Variants in BEX3 observed in about 807,000 individuals in gnomAD.
BEX3 encodes the protein protein BEX3.
A neutral mutation model predicts 6.1 loss-of-function variants in BEX3; 1 was observed. The ratio of observed to expected loss-of-function variants is 0.16; its 90% CI spans 0.06 to 0.78. The LOEUF (loss-of-function observed/expected upper bound fraction) is 0.78. Ranked by LOEUF, BEX3 falls within the 30% of genes least tolerant of loss-of-function variation. BEX3 has a pLI of 0.75. For synonymous variants in BEX3, 33 were observed against 25.2 expected (o/e 1.31, Z -0.93); for missense variants, 49 against 84.7 (o/e 0.58, Z 1.65).
At position 103,377,505 on chromosome X, in the gene BEX3, A is replaced by C. The variant is rs1384796015; in HGVS notation, c.-12-5A>C. On this transcript the variant is annotated splice_polypyrimidine_tract_variant and splice_region_variant and intron_variant, in intron 2 of 2. Transcript: ENST00000361298. ...AAAAATCTCATCATGGCAAATATTC[A>C]CCAGGAAAACGAAGAGATGGAGCAG... 1 of 1,197,886 alleles carries C rather than the reference A, an allele frequency of 8.3e-7. No homozygotes were observed. The highest frequency in any genetic ancestry group is 1.1e-6 in the Non-Finnish European group (1 of 890,177).
At chrX:103,376,647 G>A (rs987506674) in intron 1 of BEX3, 34 bp downstream of exon 1, 1 of 690,655 alleles carries the variant, frequency 1.4e-6, no homozygotes, top group Non-Finnish European at 1.7e-6. Context: ...CCCCGGCCAT[G>A]CCAGCAGCGG....
chrX:103,376,351 C>A, upstream of BEX3: 1 of 460,995 alleles, frequency 2.2e-6, no homozygotes, highest in Non-Finnish European at 2.7e-6. Flanking sequence ...GCTGTGCGCT[C>A]TGGGGCACCT....
rs1927228290 is a variant in BEX3 at position 103,376,573 on chromosome X, G to A, written c.-132G>A. 1.3e-6 allele frequency: 1 copy of A among 753,894 alleles called. No homozygotes were observed. Among genetic ancestry groups the A allele is most frequent in the African/African-American group, 2.3e-5 (1 of 43,668 alleles). The allele number at this position is 753,894 out of a possible 1,213,427, so 62.1% of individuals were successfully genotyped here. ...GGCTACCAGCTCCCCGCTGCCCTGA[G>A]CTCGGCGGGCTGGCATTCGGCCCGG... On this transcript the variant is annotated 5_prime_UTR_variant, in exon 1 of 3. Transcript: ENST00000361298.
At position 103,377,650 on chromosome X, in the gene BEX3, T is replaced by C. The variant is rs369201173; in HGVS notation, c.129T>C (p.Asn43=). ...LAPNFRWAIP[N]RQINDGMGGD... The stretch of plus-strand genomic sequence containing the variant: ...CTAATTTTCGATGGGCCATACCCAA[T>C]AGGCAGATCAATGATGGGATGGGTG... Residue 43 remains asparagine, a synonymous_variant, in exon 3 of 3, where the codon AAT becomes AAC. Transcript: ENST00000361298. The C allele has an allele frequency of 8.3e-7, 1 of 1,209,023 alleles. No individual in the cohort carries two copies. The highest frequency in any genetic ancestry group is 1.8e-5 in the African/African-American group (1 of 56,813).
chrX:103,377,440 C>G, intron 2 of BEX3, 70 bp from the exon 3 acceptor site: 1 of 1,142,913 alleles, frequency 8.7e-7, no homozygotes, highest in South Asian at 2.1e-5. Context: ...CTCTCCTTGC[C>G]TTTGTCTTAC....
At chrX:103,377,386 C>T (rs1927264920) in intron 2 of BEX3, 124 bp from the exon 3 acceptor site, 2 of 915,216 alleles carry the variant, frequency 2.2e-6, no homozygotes, top group Non-Finnish European at 3.0e-6. Context: ...CCTTTGATAT[C>T]AGGGCTCTGA....
At chrX:103,377,426 GTC>G in intron 2 of BEX3, 82 bp from the exon 3 acceptor site, 1 of 1,095,806 alleles carries the variant, frequency 9.1e-7, no homozygotes. Flanking sequence ...CAAGCATTCA[GTC>G]TCTCTCCTTG....
At chrX:103,376,456 G>A, upstream of BEX3, 1 of 752,166 alleles carries the variant, frequency 1.3e-6, no homozygotes. Context: ...GGCCGCCCAA[G>A]TTGGGGGGCG....
At position 103,378,082 on chromosome X, in the gene BEX3, T is replaced by G. The variant is rs1927293423; in HGVS notation, c.*255T>G. ...AGCAATTTAAAAAGCAATCTATACA[T>G]TTATTGTCTCATTAAAAATGTATAC... On this transcript the variant is annotated 3_prime_UTR_variant, in exon 3 of 3. Transcript: ENST00000361298. 6.1e-6 allele frequency: 2 copies of G among 326,867 alleles called. No homozygotes were observed. The highest frequency in any genetic ancestry group is 1.1e-5 in the Non-Finnish European group (2 of 183,478). 26.9% of individuals were successfully genotyped at this position (326,867 alleles called of 1,213,427 possible). A position where few individuals can be genotyped will look rare whatever the true frequency, so the allele number is the denominator to read the frequency against.
At chrX:103,377,439 C>A in intron 2 of BEX3, 71 bp from the exon 3 acceptor site, 2 of 1,138,181 alleles carry the variant, frequency 1.8e-6, no homozygotes, top group Non-Finnish European at 2.4e-6. Context: ...TCTCTCCTTG[C>A]CTTTGTCTTA....
upstream of BEX3, chrX:103,376,358 A>G: frequency 2.0e-6 from 1 of 493,786 alleles, no homozygotes; most frequent in Admixed American, 9.0e-5. Context: ...GCTCTGGGGC[A>G]CCTCATGCAG....
chrX:103,377,321 G>A, intron 2 of BEX3, 189 bp from the exon 3 acceptor site: 4 of 502,901 alleles, frequency 8.0e-6, no homozygotes, highest in South Asian at 3.8e-5. Context: ...TTAATTGGAG[G>A]CCCCGTAGAG....
rs758633518 is a variant in BEX3, at chrX:103,377,824, T to C, written c.303T>C (p.Pro101=). 2 of 1,164,247 alleles carry C rather than the reference T, an allele frequency of 1.7e-6. No homozygotes were observed. Among genetic ancestry groups the C allele is most frequent in the Admixed American group, 4.5e-5 (2 of 43,963 alleles). The change falls in exon 3 of 3, where the codon CCT becomes CCC. Residue 101 remains proline (P), a synonymous_variant. Transcript: ENST00000361298. ...ATCATGATGAATTTTGCCTTATGCCTTGACTCCTGCCATTTATCATGAGAT... is the reference window on the plus strand; with the variant it reads ...ATCATGATGAATTTTGCCTTATGCCCTGACTCCTGCCATTTATCATGAGAT... The part of the protein sequence containing the change: ...HDHHDEFCLM[P]
upstream of BEX3, chrX:103,376,428 G>T: frequency 2.7e-6 from 2 of 748,195 alleles, no homozygotes; most frequent in Non-Finnish European, 3.2e-6. Context: ...GGGGGGAAGG[G>T]GGAGATCCTG....
intron 1 of BEX3, 138 bp downstream of exon 1, chrX:103,376,751 G>A (rs756667439): frequency 7.4e-5 from 14 of 188,617 alleles, no homozygotes; most frequent in Non-Finnish European, 1.1e-4. Flanking sequence ...GAGGCCCCCA[G>A]GGATGGGGAA....
rs757476958 is a variant in BEX3, at chrX:103,377,520, A to T, written c.-2A>T. ...GCAAATATTCACCAGGAAAACGAAG[A>T]GATGGAGCAGCCTATGCAGAATGGA... On this transcript the variant is annotated 5_prime_UTR_variant, in exon 3 of 3. Coordinates refer to ENST00000361298, the MANE Select transcript of BEX3 (RefSeq NM_206917.3). The T allele has an allele frequency of 2.5e-6, 3 of 1,200,707 alleles. No individual in the cohort carries two copies. Among genetic ancestry groups the T allele is most frequent in the Admixed American group, 2.3e-5 (1 of 43,319 alleles).
At chrX:103,376,659 T>A in intron 1 of BEX3, 46 bp downstream of exon 1, 5 of 650,528 alleles carry the variant, frequency 7.7e-6, no homozygotes, top group Non-Finnish European at 9.2e-6. Context: ...CAGCAGCGGC[T>A]GACCGACCTC....
upstream of BEX3, chrX:103,376,503 A>T (rs1293227173): frequency 1.3e-6 from 1 of 750,390 alleles, no homozygotes; most frequent in Non-Finnish European, 1.6e-6. Flanking sequence ...CGTGACCCAG[A>T]GCTGCAGAGC....
At position 103,377,875 on chromosome X, in the gene BEX3, T is replaced by C. The variant is rs1404726229; in HGVS notation, c.*48T>C. 1 of 1,000,219 alleles carries C rather than the reference T, an allele frequency of 1.0e-6. No individual in the cohort carries two copies. The allele number at this position is 1,000,219 out of a possible 1,213,427, so 82.4% of individuals were successfully genotyped here. On this transcript the variant is annotated 3_prime_UTR_variant, in exon 3 of 3. Transcript: ENST00000361298. ...TAATACTGTGATTCCCGCTGTTTTC[T>C]TTTTCCTTGCATTTTCCTAATATGC...
Sources: allele counts gnomAD v4.1 joint callset, GRCh38; gene constraint gnomAD v4.1.1; transcripts MANE v1.5; gene names NCBI Gene and HGNC (gene_info 2026-07-23, HGNC 2026-07-21).